Variants in ITGB3BP observed in about 807,000 individuals in gnomAD.
ITGB3BP encodes the protein integrin subunit beta 3 binding protein.
ITGB3BP carries 27 observed loss-of-function variants against 29.1 expected under a neutral mutation model. That is an observed-to-expected ratio of 0.93 (90% CI 0.68 to 1.28). ITGB3BP has a LOEUF of 1.28. ITGB3BP is among the 50% of genes most tolerant of loss of function. ITGB3BP has a pLI of 0.00. For synonymous variants in ITGB3BP, 61 were observed against 61.4 expected (o/e 0.99, Z 0.03); for missense variants, 192 against 200.2 (o/e 0.96, Z 0.25).
At chr1:63,494,326 C>T (rs1205460115) in intron 2 of ITGB3BP, among the ~76,000 whole-genome samples, 2 of 152,136 alleles carry the variant, frequency 1.3e-5, no homozygotes, top group Non-Finnish European at 2.9e-5. Context: ...ACTATGTTCA[C>T]CAGGTTGGTC....
chr1:63,517,690 A>G (rs1646364365), intron 1 of ITGB3BP, among the ~76,000 whole-genome samples: 1 of 152,034 alleles, frequency 6.6e-6, no homozygotes, highest in African/African-American at 2.4e-5. Flanking sequence ...ACATGATGTC[A>G]TTGTTGAATC....
At chr1:63,516,090 T>G (rs1286862086) in intron 1 of ITGB3BP, among the ~76,000 whole-genome samples, 1 of 150,740 alleles carries the variant, frequency 6.6e-6, no homozygotes, top group Non-Finnish European at 1.5e-5. Context: ...ACAACATGAA[T>G]AGAGCTGGAA....
intron 3 of ITGB3BP, among the ~76,000 whole-genome samples, chr1:63,482,295 AT>A (rs1645452364): frequency 6.9e-6 from 1 of 145,612 alleles, no homozygotes; most frequent in Non-Finnish European, 1.5e-5. Context: ...AAAAAAAAAG[AT>A]TAATGTAAAG....
intron 1 of ITGB3BP, among the ~76,000 whole-genome samples, chr1:63,515,434 A>C (rs1324899502): frequency 6.6e-6 from 1 of 152,044 alleles, no homozygotes; most frequent in African/African-American, 2.4e-5. Context: ...CTTTTTTTTC[A>C]AAATTGTTTT....
intron 3 of ITGB3BP, among the ~76,000 whole-genome samples, chr1:63,488,392 A>G (rs570642328): frequency 1.3e-5 from 2 of 152,170 alleles, no homozygotes; most frequent in South Asian, 4.1e-4. Context: ...GGATCTTATC[A>G]TAAGTGTGAT....
chr1:63,472,944 G>C (rs2100590725), intron 4 of ITGB3BP, among the ~76,000 whole-genome samples: 1 of 150,162 alleles, frequency 6.7e-6, no homozygotes, highest in South Asian at 2.1e-4. Context: ...CCATCATCTG[G>C]GATATGAGGA....
At chr1:63,466,163 G>A (rs1645097216) in intron 4 of ITGB3BP, among the ~76,000 whole-genome samples, 1 of 152,148 alleles carries the variant, frequency 6.6e-6, no homozygotes, top group Non-Finnish European at 1.5e-5. Context: ...ATTGATCCAG[G>A]AGCTTTCACC....
chr1:63,518,023 C>T (rs1030224543), intron 1 of ITGB3BP, among the ~76,000 whole-genome samples: 2 of 152,130 alleles, frequency 1.3e-5, no homozygotes. Flanking sequence ...GGGCCTGGCC[C>T]CACTTTTTCC....
chr1:63,494,970 T>C (rs777593565), intron 2 of ITGB3BP, among the ~76,000 whole-genome samples: 9 of 152,104 alleles, frequency 5.9e-5, no homozygotes, highest in Non-Finnish European at 1.3e-4. Context: ...GCCAGCTTAT[T>C]TAACAAACAA....
At chr1:63,500,439 G>A (rs1284422292) in intron 2 of ITGB3BP, among the ~76,000 whole-genome samples, 1 of 152,002 alleles carries the variant, frequency 6.6e-6, no homozygotes, top group Non-Finnish European at 1.5e-5. Context: ...CAGCAAAGCT[G>A]CAGGATATAT....
chr1:63,513,536 C>T (rs1646246390), intron 1 of ITGB3BP, among the ~76,000 whole-genome samples: 1 of 152,156 alleles, frequency 6.6e-6, no homozygotes. Context: ...GGTATTTAGA[C>T]ACCAAAATCT....
intron 1 of ITGB3BP, among the ~76,000 whole-genome samples, chr1:63,519,743 A>G (rs974212274): frequency 6.6e-6 from 1 of 152,070 alleles, no homozygotes; most frequent in Non-Finnish European, 1.5e-5. Context: ...CAAAATAAAA[A>G]TCATTGTACC....
intron 4 of ITGB3BP, among the ~76,000 whole-genome samples, chr1:63,469,984 C>G (rs1014578099): frequency 6.6e-6 from 1 of 152,242 alleles, no homozygotes; most frequent in Non-Finnish European, 1.5e-5. Flanking sequence ...CATTCTTAAG[C>G]CACAAACAAT....
chr1:63,481,053 C>T (rs1397112274), intron 3 of ITGB3BP, among the ~76,000 whole-genome samples: 1 of 152,082 alleles, frequency 6.6e-6, no homozygotes, highest in East Asian at 1.9e-4. Flanking sequence ...TTCAGTAAGG[C>T]TCCAAAATTA....
intron 4 of ITGB3BP, among the ~76,000 whole-genome samples, chr1:63,466,592 C>CATAAATTGA: frequency 1.3e-5 from 2 of 152,290 alleles, no homozygotes; most frequent in South Asian, 4.1e-4. Flanking sequence ...ACCTATTATA[C>CATAAATTGA]CACACAGCAT....
chr1:63,473,581 C>T (rs1347152273), intron 4 of ITGB3BP, among the ~76,000 whole-genome samples: 1 of 137,568 alleles, frequency 7.3e-6, no homozygotes, highest in African/African-American at 2.7e-5. Flanking sequence ...GGGGGGTCAG[C>T]CCCCTGCCCG....
intron 2 of ITGB3BP, among the ~76,000 whole-genome samples, chr1:63,501,137 T>C (rs1020491979): frequency 6.6e-6 from 1 of 152,296 alleles, no homozygotes; most frequent in South Asian, 2.1e-4. Context: ...TAACTGGTTA[T>C]ACACATGCAA....
chr1:63,488,153 A>T (rs1645568181), intron 3 of ITGB3BP, among the ~76,000 whole-genome samples: 1 of 152,136 alleles, frequency 6.6e-6, no homozygotes, highest in Non-Finnish European at 1.5e-5. Flanking sequence ...CTGTTCACAT[A>T]GTACATGGTT....
intron 2 of ITGB3BP, among the ~76,000 whole-genome samples, chr1:63,496,409 TG>T (rs1645789217): frequency 6.6e-6 from 1 of 152,148 alleles, no homozygotes; most frequent in African/African-American, 2.4e-5. Context: ...TTTGCTCCTT[TG>T]AACAACTGTA....
Sources: allele counts gnomAD v4.1 joint callset (sites outside exome capture counted in the v4.1 genomes callset), GRCh38; gene constraint gnomAD v4.1.1; transcripts MANE v1.5; gene names NCBI Gene and HGNC (gene_info 2026-07-23, HGNC 2026-07-21).